The following ZBTB38 variants were observed in gnomAD, a reference collection of about 807,000 sequenced individuals.
The protein encoded by ZBTB38 is zinc finger and BTB domain containing 38, also known as zinc finger and BTB domain-containing protein 38.
In ZBTB38, 20 loss-of-function variants were observed where a neutral mutation model predicts 76.8. That is an observed-to-expected ratio of 0.26 (90% CI 0.18 to 0.38). The LOEUF (loss-of-function observed/expected upper bound fraction) is 0.38, where lower values mean the gene tolerates loss of function less well. ZBTB38 is among the 10% of genes least tolerant of loss of function. The pLI is 1.00. For synonymous variants in ZBTB38, 504 were observed against 544.2 expected, an observed-to-expected ratio of 0.93 and a Z score of 1.03; for missense variants, 1,082 against 1,482.3, an observed-to-expected ratio of 0.73 and a Z score of 4.43.
chr3:141,346,559 G>A (rs536306142), intron 1 of ZBTB38, among the ~76,000 whole-genome samples: 18 of 152,238 alleles, frequency 1.2e-4, no homozygotes, highest in East Asian at 3.9e-4. Context: ...AGGGCAGCGC[G>A]GTTGGCAGCT....
Position 141,444,088 on chromosome 3 carries a change from G to C in ZBTB38, c.1700G>C (p.Arg567Thr), listed in dbSNP as rs1259235933. ...AGTGTCTATCCGTATAAACTTTATAGGCTACTGCCTATGAAATGCAAGAGA... is the reference window on the plus strand; with the variant it reads ...AGTGTCTATCCGTATAAACTTTATACGCTACTGCCTATGAAATGCAAGAGA... ...KPSVYPYKLY[R>T]LLPMKCKRAP... Residue 567 changes from arginine to threonine, a missense_variant, in exon 6 of 6, where the codon AGG becomes ACG. By Grantham distance (71) the Arg-to-Thr change is moderately conservative. Around this residue, in one of 8 missense-constraint regions of ZBTB38, gnomAD observed 471 missense variants for 581.0 expected, o/e 0.81. Transcript: ENST00000321464. The surrounding 1 kb of genome is among the most constrained non-coding windows in gnomAD (Gnocchi z 5.1). The C allele has an allele frequency of 6.2e-7, 1 of 1,613,964 alleles. No individual in the cohort carries two copies. Among genetic ancestry groups the C allele is most frequent in the African/African-American group, 1.3e-5 (1 of 74,984 alleles).
At chr3:141,382,339 A>G (rs1369954903) in intron 3 of ZBTB38, among the ~76,000 whole-genome samples, 1 of 152,220 alleles carries the variant, frequency 6.6e-6, no homozygotes, top group Non-Finnish European at 1.5e-5. Context: ...TTTATTCACA[A>G]ATGCTGAATA....
rs2081104353 is a variant in ZBTB38 at position 141,446,520 on chromosome 3, A to T, written c.*544A>T. 6.5e-6 allele frequency: 1 copy of T among 152,858 alleles called. No homozygotes were observed. The highest frequency in any genetic ancestry group is 1.5e-5 in the Non-Finnish European group (1 of 68,202). 9.5% of individuals were successfully genotyped at this position (152,858 alleles called of 1,614,324 possible). Reference sequence around the variant, plus strand: ...ACTGAAATTATGTGCATAATGAGTAACCTAAAGTAGGACATTCATACATTA... The same window carrying T: ...ACTGAAATTATGTGCATAATGAGTATCCTAAAGTAGGACATTCATACATTA... On this transcript the variant is annotated 3_prime_UTR_variant, in exon 6 of 6. Transcript: ENST00000321464.
At chr3:141,435,426 T>C (rs577721235) in intron 5 of ZBTB38, among the ~76,000 whole-genome samples, 1 of 152,310 alleles carries the variant, frequency 6.6e-6, no homozygotes. Flanking sequence ...TATTTGCACA[T>C]ACATGTGGCT....
chr3:141,425,633 C>T (rs529544079), intron 5 of ZBTB38, among the ~76,000 whole-genome samples: 2 of 152,258 alleles, frequency 1.3e-5, no homozygotes, highest in Non-Finnish European at 2.9e-5. Flanking sequence ...GTACCCCACA[C>T]GTGGCAGCCC....
intron 1 of ZBTB38, among the ~76,000 whole-genome samples, chr3:141,325,234 C>A (rs1046912425): frequency 6.6e-6 from 1 of 152,134 alleles, no homozygotes; most frequent in Non-Finnish European, 1.5e-5. Flanking sequence ...TAAAATTAAC[C>A]ACACAGTAAT....
intron 4 of ZBTB38, chr3:141,387,927 C>T (rs1315828987): frequency 6.6e-6 from 1 of 151,844 alleles, no homozygotes; most frequent in African/African-American, 2.4e-5. Context: ...TTTTTTTGAG[C>T]CATGCAGCAA....
intron 4 of ZBTB38, among the ~76,000 whole-genome samples, chr3:141,396,684 AT>A (rs1950412767): frequency 6.6e-6 from 1 of 152,252 alleles, no homozygotes; most frequent in South Asian, 2.1e-4. Context: ...AGTCAAAATT[AT>A]TCTTTGATCA....
chr3:141,364,675 C>A, upstream of ZBTB38, among the ~76,000 whole-genome samples: 1 of 12,134 alleles, frequency 8.2e-5, no homozygotes, highest in East Asian at 4.4e-3. Flanking sequence ...GAAACTACAT[C>A]TAAAAAAAAA....
In ZBTB38 at chr3:141,421,684, G is replaced by A. The variant is rs545565885; in HGVS notation, c.-1+17653G>A. Among the ~76,000 whole-genome samples, 138 of 152,234 alleles carry A rather than the reference G, an allele frequency of 9.1e-4. No homozygotes were observed. In the South Asian group the frequency reaches 0.026, roughly 29 times the overall value. On this transcript the variant is annotated intron_variant, in intron 5 of 5. Coordinates refer to ENST00000321464, the MANE Select transcript of ZBTB38 (RefSeq NM_001376113.1). ...GGAGATTCACACACTGGCTGGAGCC[G>A]TCCTCAGCCCCTCACCCCACTCCCC...
intron 1 of ZBTB38, among the ~76,000 whole-genome samples, chr3:141,326,472 T>C (rs1446830210): frequency 6.6e-6 from 1 of 152,100 alleles, no homozygotes; most frequent in South Asian, 2.1e-4. Context: ...GGGGTTAAGG[T>C]TTTATCTTAT....
chr3:141,444,800 A>C lies in ZBTB38; in HGVS notation c.2412A>C (p.Lys804Asn), dbSNP rs2080873230. The C allele has an allele frequency of 2.5e-6, 4 of 1,614,190 alleles. No homozygotes were observed. The highest frequency in any genetic ancestry group is 3.4e-6 in the Non-Finnish European group (4 of 1,180,044). ...YVADPGGSLS[K>N]TTNIAEETSK... ...CTGATCCTGGAGGATCACTGAGCAA[A>C]ACCACAAATATTGCTGAAGAAACCA... is the stretch of plus-strand genomic sequence containing the variant. The change falls in exon 6 of 6, where the codon AAA becomes AAC. Residue 804 changes from lysine to asparagine, a missense_variant. By Grantham distance (94) the Lys-to-Asn change is moderately conservative. Transcript: ENST00000321464. This position sits in a 1 kb window ranked among gnomAD's most constrained non-coding sequence, Gnocchi z 5.1.
chr3:141,409,681 T>C (rs550707461), intron 5 of ZBTB38, among the ~76,000 whole-genome samples: 1 of 152,376 alleles, frequency 6.6e-6, no homozygotes, highest in African/African-American at 2.4e-5. Context: ...TCTGTGCTGC[T>C]GCTGCAAGCC....
At chr3:141,430,250 A>G (rs772131197) in intron 5 of ZBTB38, among the ~76,000 whole-genome samples, 1 of 152,006 alleles carries the variant, frequency 6.6e-6, no homozygotes, top group African/African-American at 2.4e-5. Context: ...TGTACTTAGT[A>G]GAGATGGGGT....
At chr3:141,424,390 G>A (rs1258214055) in intron 5 of ZBTB38, among the ~76,000 whole-genome samples, 3 of 151,938 alleles carry the variant, frequency 2.0e-5, no homozygotes, top group Non-Finnish European at 2.9e-5. Flanking sequence ...GCATGTTAGC[G>A]GGCACCTGTG....
chr3:141,446,720 A>G lies in ZBTB38; in HGVS notation c.*744A>G, dbSNP rs2081125402. On this transcript the variant is annotated 3_prime_UTR_variant, in exon 6 of 6. Coordinates refer to ENST00000321464, the MANE Select transcript of ZBTB38 (RefSeq NM_001376113.1). ...TTGAATATGATTTAAGAGCATGTGA[A>G]TGCTTTTAGATGGAATGCTGTTCCC... 3 of 152,684 alleles carry G rather than the reference A, an allele frequency of 2.0e-5. No individual in the cohort carries two copies. Among genetic ancestry groups the G allele is most frequent in the African/African-American group, 7.2e-5 (3 of 41,462 alleles). The allele number at this position is 152,684 out of a possible 1,614,324, so 9.5% of individuals were successfully genotyped here.
At chr3:141,372,419 C>T (rs769991642) in intron 2 of ZBTB38, among the ~76,000 whole-genome samples, 48 of 152,132 alleles carry the variant, frequency 3.2e-4, no homozygotes, top group Admixed American at 5.9e-4. Context: ...GAGGCCGAGG[C>T]AGGTGGATCA....
At chr3:141,341,257 A>C in intron 1 of ZBTB38, among the ~76,000 whole-genome samples, 1 of 152,250 alleles carries the variant, frequency 6.6e-6, no homozygotes, top group African/African-American at 2.4e-5. Flanking sequence ...GTTTCCTAGA[A>C]TGTTAAACAT....
chr3:141,393,695 C>CTTT (rs2149388669), intron 4 of ZBTB38, among the ~76,000 whole-genome samples: 1 of 152,232 alleles, frequency 6.6e-6, no homozygotes, highest in African/African-American at 2.4e-5. Flanking sequence ...AGTCAGGAGG[C>CTTT]AGCCAGGGGG....
Sources: allele counts gnomAD v4.1 joint callset (sites outside exome capture counted in the v4.1 genomes callset), GRCh38; gene constraint gnomAD v4.1.1; regional missense constraint gnomAD v4.1.1; non-coding constraint Gnocchi (gnomAD v3.1); transcripts MANE v1.5; gene names NCBI Gene and HGNC (gene_info 2026-07-23, HGNC 2026-07-21).